ASB18: variants seen among roughly 807,000 people sequenced by gnomAD.
ASB18 encodes ankyrin repeat and SOCS box containing 18.
ASB18 carries 33 observed loss-of-function variants against 33.4 expected under a neutral mutation model. The ratio of observed to expected loss-of-function variants is 0.99; its 90% CI spans 0.75 to 1.32. The LOEUF (loss-of-function observed/expected upper bound fraction) is 1.32. Among genes scored for constraint, ASB18 ranks in the 40% most tolerant of loss-of-function variants. ASB18 has a pLI of 0.00. For missense variants in ASB18, 694 were observed against 655.5 expected, an observed-to-expected ratio of 1.06 and a Z score of -0.64; for synonymous variants, 295 against 307.6, an observed-to-expected ratio of 0.96 and a Z score of 0.43.
rs890117954 is a variant in ASB18, at chr2:236,255,179, T to C, written c.205+8962A>G. On this transcript the variant is annotated intron_variant, in intron 1 of 5. Transcript: ENST00000409749. This position sits in a 1 kb window ranked among gnomAD's most constrained non-coding sequence, Gnocchi z 4.4. ...CTTTCTTTGAGACGGAGTCTCATTC[T>C]GTCGCCCAGGCCTGAGTGCAGTAGC... is the stretch of plus-strand genomic sequence containing the variant. Among the ~76,000 whole-genome samples, 4 of 152,224 alleles carry C rather than the reference T, an allele frequency of 2.6e-5. No homozygotes were observed. The highest frequency in any genetic ancestry group is 9.6e-5 in the African/African-American group (4 of 41,452).
chr2:236,218,341 G>A (rs1053439705), intron 3 of ASB18, among the ~76,000 whole-genome samples: 1 of 152,154 alleles, frequency 6.6e-6, no homozygotes. Context: ...ACTGGGGCAC[G>A]TCTGCTGGTA....
At chr2:236,201,957 AT>A (rs34751754) in intron 4 of ASB18, among the ~76,000 whole-genome samples, 3 of 149,180 alleles carry the variant, frequency 2.0e-5, no homozygotes, top group East Asian at 2.0e-4. Flanking sequence ...TCATTCTTTA[AT>A]TTTTTTTTTG....
rs1008298980 is a variant in ASB18 at position 236,220,528 on chromosome 2, T to C, written c.597-5662A>G. On this transcript the variant is annotated intron_variant, in intron 3 of 5. Transcript: ENST00000409749. The surrounding 1 kb of genome is among the most constrained non-coding windows in gnomAD (Gnocchi z 5.1). ...TGCCTCCTGGTTCTGAACTGAAAGG[T>C]CTTTTGGATTCCCCAGTACTTGGCC... Among the ~76,000 whole-genome samples, 2 of 151,070 alleles carry C rather than the reference T, an allele frequency of 1.3e-5. No homozygotes were observed. Among genetic ancestry groups the C allele is most frequent in the Non-Finnish European group, 2.9e-5 (2 of 67,970 alleles).
In ASB18 at chr2:236,211,388, G is replaced by A. The variant is rs972921900; in HGVS notation, c.1101+2974C>T. Among the ~76,000 whole-genome samples, 11 of 152,248 alleles carry A rather than the reference G, an allele frequency of 7.2e-5. No individual in the cohort carries two copies. The highest frequency in any genetic ancestry group is 5.9e-4 in the Admixed American group (9 of 15,288). ...TTTGATTCTCACTGCAGAGCACTGC[G>A]CCGGCTCGGAAGGATGCCCTGTGTC... On this transcript the variant is annotated intron_variant, in intron 4 of 5. Coordinates refer to ENST00000409749, the MANE Select transcript of ASB18 (RefSeq NM_212556.4). The surrounding 1 kb of genome is among the most constrained non-coding windows in gnomAD (Gnocchi z 5.0).
chr2:236,206,213 G>T (rs2060432127), intron 4 of ASB18, among the ~76,000 whole-genome samples: 2 of 147,740 alleles, frequency 1.4e-5, no homozygotes, highest in Non-Finnish European at 1.5e-5. Flanking sequence ...TTGCACTTAA[G>T]AATAGTTTTT....
At chr2:236,246,825 G>A (rs1158144818) in intron 1 of ASB18, among the ~76,000 whole-genome samples, 1 of 152,046 alleles carries the variant, frequency 6.6e-6, no homozygotes, top group African/African-American at 2.4e-5. Flanking sequence ...TAGCCATTTT[G>A]CCATTTTATT....
intron 4 of ASB18, among the ~76,000 whole-genome samples, chr2:236,197,072 GC>G (rs139016148): frequency 7.2e-5 from 4 of 55,498 alleles, no homozygotes; most frequent in East Asian, 7.0e-4. Context: ...ATGTATCCCC[GC>G]CCCCCCCATC....
At chr2:236,198,096 A>G (rs2060382872) in intron 4 of ASB18, among the ~76,000 whole-genome samples, 1 of 152,108 alleles carries the variant, frequency 6.6e-6, no homozygotes, top group Non-Finnish European at 1.5e-5. Context: ...TATTGAAGTC[A>G]CTCATGGAGG....
intron 4 of ASB18, among the ~76,000 whole-genome samples, chr2:236,207,966 T>A (rs190351243): frequency 6.6e-6 from 1 of 152,238 alleles, no homozygotes; most frequent in Admixed American, 6.5e-5. Context: ...TCCCTCCTTT[T>A]CTTTCTTCCT....
Position 236,209,023 on chromosome 2 carries a change from C to G in ASB18, c.1101+5339G>C, listed in dbSNP as rs1408399435. On this transcript the variant is annotated intron_variant, in intron 4 of 5. Coordinates refer to ENST00000409749, the MANE Select transcript of ASB18 (RefSeq NM_212556.4). The surrounding 1 kb of genome is among the most constrained non-coding windows in gnomAD (Gnocchi z 4.4). ...AGGCGCCCTACTTATGATCTCCCCT[C>G]TCTCCTCCCACTGGGGACTGGGTGC... Among the ~76,000 whole-genome samples, 1 of 152,176 alleles carries G rather than the reference C, an allele frequency of 6.6e-6. No individual in the cohort carries two copies. The highest frequency in any genetic ancestry group is 2.4e-5 in the African/African-American group (1 of 41,446).
rs575771886 is a variant in ASB18 at position 236,262,472 on chromosome 2, G to C, written c.205+1669C>G. ...GAAGGAGGCTGCTAAACCCAGCAGC[G>C]ATCTGGCAGGGAGGGCCGGGGAAGC... On this transcript the variant is annotated intron_variant, in intron 1 of 5. Transcript: ENST00000409749. The surrounding 1 kb of genome is among the most constrained non-coding windows in gnomAD (Gnocchi z 5.2). 1.1e-4 allele frequency among the ~76,000 whole-genome samples: 17 copies of C among 152,224 alleles called. No homozygotes were observed. The highest frequency in any genetic ancestry group is 4.1e-4 in the African/African-American group (17 of 41,468).
chr2:236,249,850 T>C lies in ASB18; in HGVS notation c.206-8448A>G, dbSNP rs1373903842. On this transcript the variant is annotated intron_variant, in intron 1 of 5. Transcript: ENST00000409749. This position sits in a 1 kb window ranked among gnomAD's most constrained non-coding sequence, Gnocchi z 4.6. ...TAACTGAGTGAATAGACTGAATTTCTCTAATACTAGCCAGGTAGTCAACTG... is the reference window on the plus strand; with the variant it reads ...TAACTGAGTGAATAGACTGAATTTCCCTAATACTAGCCAGGTAGTCAACTG... 6.6e-6 allele frequency: 1 copy of C among 152,198 alleles called. No homozygotes were observed. Among genetic ancestry groups the C allele is most frequent in the Non-Finnish European group, 1.5e-5 (1 of 68,040 alleles). 9.4% of individuals were successfully genotyped at this position (152,198 alleles called of 1,614,324 possible).
rs1010256480 is a variant in ASB18, at chr2:236,237,719, A to T, written c.566T>A (p.Leu189Gln). 1.2e-5 allele frequency: 17 copies of T among 1,460,228 alleles called. No homozygotes were observed. In the Middle Eastern group the frequency reaches 7.3e-4, roughly 63 times the overall value. The allele number at this position is 1,460,228 out of a possible 1,614,324, so 90.5% of individuals were successfully genotyped here. The part of the protein sequence containing the change: ...DLLSAEGLAP[L>Q]HLCRTAASLG... ...CGAGGCGGCCGTGCGGCAGAGGTGCAGAGGCGCCAGGCCCTCGGCGCTGAG... is the reference window on the plus strand; with the variant it reads ...CGAGGCGGCCGTGCGGCAGAGGTGCTGAGGCGCCAGGCCCTCGGCGCTGAG... Residue 189 changes from leucine (L) to glutamine (Q), a missense_variant, in exon 3 of 6, where the codon CTG (leucine) becomes CAG (glutamine). Physicochemically the swap from Leu to Gln is moderately radical, Grantham distance 113 (BLOSUM62 -2). Coordinates refer to ENST00000409749, the MANE Select transcript of ASB18 (RefSeq NM_212556.4). This position sits in a 1 kb window ranked among gnomAD's most constrained non-coding sequence, Gnocchi z 6.2.
Position 236,216,381 on chromosome 2 carries a change from T to G in ASB18, c.597-1515A>C, listed in dbSNP as rs994204755. ...CACCTGCCTGCCTTCTGCAAACACA[T>G]CTGTTTCAACACTGATTAGAATCTG... On this transcript the variant is annotated intron_variant, in intron 3 of 5. Transcript: ENST00000409749. The surrounding 1 kb of genome is among the most constrained non-coding windows in gnomAD (Gnocchi z 6.1). Among the ~76,000 whole-genome samples, 1 of 152,154 alleles carries G rather than the reference T, an allele frequency of 6.6e-6. No individual in the cohort carries two copies. The highest frequency in any genetic ancestry group is 2.4e-5 in the African/African-American group (1 of 41,438).
chr2:236,218,861 T>C (rs1354779994), intron 3 of ASB18, among the ~76,000 whole-genome samples: 2 of 151,726 alleles, frequency 1.3e-5, no homozygotes, highest in African/African-American at 4.8e-5. Context: ...TAATTGATTT[T>C]AATTTTAATT....
intron 3 of ASB18, among the ~76,000 whole-genome samples, chr2:236,218,387 C>T (rs1046098688): frequency 3.3e-5 from 5 of 152,098 alleles, no homozygotes; most frequent in Admixed American, 1.3e-4. Context: ...GGTGTGAGAG[C>T]CTATTTAATG....
At position 236,194,038 on chromosome 2, in the gene ASB18, C is replaced by T. The variant is rs558224132; in HGVS notation, c.*834G>A. 5.9e-5 allele frequency among the ~76,000 whole-genome samples: 9 copies of T among 151,984 alleles called. No homozygotes were observed. The highest frequency in any genetic ancestry group is 2.1e-4 in the South Asian group (1 of 4,816). On this transcript the variant is annotated 3_prime_UTR_variant, in exon 6 of 6. Coordinates refer to ENST00000409749, the MANE Select transcript of ASB18 (RefSeq NM_212556.4). This position sits in a 1 kb window ranked among gnomAD's most constrained non-coding sequence, Gnocchi z 4.5. ...TGCTGGGGTGGACTCTGGCCACGCA[C>T]GACCCTGAACTAGAATAAGCACATT...
rs2060367529 is a variant in ASB18, at chr2:236,195,504, C to A, written c.1216-447G>T. ...GTCAGTGAAACAGAAAAAACACACA[C>A]AACTCTTCTCACTCTCTTTTTTTTT... On this transcript the variant is annotated intron_variant, in intron 5 of 5. Transcript: ENST00000409749. This position sits in a 1 kb window ranked among gnomAD's most constrained non-coding sequence, Gnocchi z 5.5. Among the ~76,000 whole-genome samples, 1 of 151,284 alleles carries A rather than the reference C, an allele frequency of 6.6e-6. No homozygotes were observed. The highest frequency in any genetic ancestry group is 2.4e-5 in the African/African-American group (1 of 41,004).
chr2:236,207,400 G>A (rs921766383), intron 4 of ASB18, among the ~76,000 whole-genome samples: 20 of 152,172 alleles, frequency 1.3e-4, no homozygotes, highest in Admixed American at 1.2e-3. Flanking sequence ...CACAAGCTAT[G>A]TCTTCTTGTA....
Sources: allele counts gnomAD v4.1 joint callset (sites outside exome capture counted in the v4.1 genomes callset), GRCh38; gene constraint gnomAD v4.1.1; non-coding constraint Gnocchi (gnomAD v3.1); transcripts MANE v1.5; gene names NCBI Gene and HGNC (gene_info 2026-07-23, HGNC 2026-07-21).